The following FRMD6 variants were observed in gnomAD, a reference collection of about 807,000 sequenced individuals.
FRMD6 encodes FERM domain containing 6, also known as FERM domain-containing protein 6.
In FRMD6, 37 loss-of-function variants were observed where a neutral mutation model predicts 73.2. The ratio of observed to expected loss-of-function variants is 0.51; its 90% confidence interval spans 0.39 to 0.66. The LOEUF is 0.66. FRMD6 is among the 30% of genes least tolerant of loss of function. The probability of loss-of-function intolerance (pLI) is 0.00; values close to 1 mark genes in which losing one functional copy is unlikely to be tolerated. For missense variants in FRMD6, 714 were observed against 780.5 expected, an observed-to-expected ratio of 0.91 and a Z score of 1.02; for synonymous variants, 273 against 282.2, an observed-to-expected ratio of 0.97 and a Z score of 0.33.
chr14:51,527,571 A>G (rs1212080434), intron 1 of FRMD6, among the ~76,000 whole-genome samples: 1 of 152,182 alleles, frequency 6.6e-6, no homozygotes, highest in Non-Finnish European at 1.5e-5. Flanking sequence ...CAACATTCCC[A>G]ATGGGGTCTC....
rs935439075 is a variant in FRMD6 at position 51,586,054 on chromosome 14, G to C, written c.-147+15644G>C. Among the ~76,000 whole-genome samples the C allele has an allele frequency of 1.7e-4, 26 of 149,738 alleles. No individual in the cohort carries two copies. The Admixed American group carries it at 1.7e-3, about 10-fold the overall frequency. On this transcript the variant is annotated intron_variant, in intron 2 of 14. Transcript: ENST00000356218. ...AATACTGCAGTAAATATACAATGCA[G>C]GTGTCTTTTTGATATAATAATTTCT... is the stretch of plus-strand genomic sequence containing the variant.
chr14:51,599,704 GC>G (rs541284785), intron 2 of FRMD6: 95 of 152,092 alleles, frequency 6.2e-4, no homozygotes, highest in African/African-American at 2.2e-3. Context: ...ACTTCTCATT[GC>G]CTTTCTAAGG....
intron 1 of FRMD6, among the ~76,000 whole-genome samples, chr14:51,676,807 A>G (rs898264346): frequency 6.6e-6 from 1 of 152,134 alleles, no homozygotes; most frequent in Non-Finnish European, 1.5e-5. Context: ...TGAATATGTC[A>G]TCCTACCTCC....
intron 2 of FRMD6, among the ~76,000 whole-genome samples, chr14:51,585,608 T>C (rs920027639): frequency 6.6e-6 from 1 of 152,056 alleles, no homozygotes; most frequent in African/African-American, 2.4e-5. Flanking sequence ...TGAGTCTTGG[T>C]TTCCTCATCT....
the FRMD6 span, among the ~76,000 whole-genome samples, chr14:51,477,737 CT>C: frequency 8.9e-5 from 12 of 134,204 alleles, no homozygotes; most frequent in Middle Eastern, 3.6e-3. Flanking sequence ...TTTTCTTTTT[CT>C]TTTTTTTTTT....
At chr14:51,471,647 T>C in the FRMD6 span, among the ~76,000 whole-genome samples, 12 of 152,084 alleles carry the variant, frequency 7.9e-5, no homozygotes, top group African/African-American at 2.7e-4. Context: ...TACATTTAGA[T>C]AAGGTTCAGT....
the FRMD6 span, among the ~76,000 whole-genome samples, chr14:51,451,528 C>T: frequency 3.9e-5 from 6 of 152,274 alleles, no homozygotes; most frequent in African/African-American, 1.2e-4. Flanking sequence ...CATGTGCCAC[C>T]ATGCCTGGGT....
upstream of FRMD6, among the ~76,000 whole-genome samples, chr14:51,648,572 G>A (rs1892183207): frequency 6.6e-6 from 1 of 152,150 alleles, no homozygotes; most frequent in Non-Finnish European, 1.5e-5. Context: ...TTGTTCTCAG[G>A]CAAACTTCTG....
chr14:51,655,461 T>C (rs886336870), intron 1 of FRMD6, among the ~76,000 whole-genome samples: 5 of 152,104 alleles, frequency 3.3e-5, no homozygotes, highest in Admixed American at 2.0e-4. Flanking sequence ...ACAGGAAAAA[T>C]GTTATCGTTG....
chr14:51,556,217 G>GT (rs1887120449), intron 1 of FRMD6, among the ~76,000 whole-genome samples: 1 of 152,184 alleles, frequency 6.6e-6, no homozygotes, highest in South Asian at 2.1e-4. Context: ...CTTGATTACT[G>GT]CTTCCTTTCT....
At chr14:51,462,999 T>G in the FRMD6 span, among the ~76,000 whole-genome samples, 2 of 152,212 alleles carry the variant, frequency 1.3e-5, no homozygotes, top group African/African-American at 4.8e-5. Context: ...CCTTGCTAGA[T>G]TGTTATAAAA....
At chr14:51,621,159 T>A (rs186439280) in intron 2 of FRMD6, among the ~76,000 whole-genome samples, 33 of 152,222 alleles carry the variant, frequency 2.2e-4, no homozygotes, top group Non-Finnish European at 3.4e-4. Context: ...TTTTTTTTTT[T>A]AATGATACCT....
chr14:51,427,505 AAACTT>A, the FRMD6 span, among the ~76,000 whole-genome samples: 1 of 152,242 alleles, frequency 6.6e-6, no homozygotes, highest in African/African-American at 2.4e-5. Context: ...AGAAATGGGA[AAACTT>A]AACCCCTGAA....
chr14:51,666,884 C>T (rs1258910041), intron 1 of FRMD6, among the ~76,000 whole-genome samples: 2 of 152,124 alleles, frequency 1.3e-5, no homozygotes, highest in Non-Finnish European at 2.9e-5. Flanking sequence ...CCTGTATTCC[C>T]AACACCTCAG....
chr14:51,471,770 C>T, the FRMD6 span, among the ~76,000 whole-genome samples: 2 of 150,858 alleles, frequency 1.3e-5, no homozygotes, highest in African/African-American at 4.9e-5. Context: ...TCTAGGAAGC[C>T]CAGCATTCAA....
chr14:51,457,289 A>G, the FRMD6 span, among the ~76,000 whole-genome samples: 1 of 152,230 alleles, frequency 6.6e-6, no homozygotes, highest in Non-Finnish European at 1.5e-5. Flanking sequence ...AAAATTAAAA[A>G]GAGAATTGAA....
chr14:51,459,826 C>CAAAAAA, the FRMD6 span, among the ~76,000 whole-genome samples: 1 of 58,280 alleles, frequency 1.7e-5, no homozygotes, highest in East Asian at 5.8e-4. Flanking sequence ...GACTCCATTT[C>CAAAAAA]AAAAAAAAAA....
chr14:51,682,645 C>G (rs983444218), intron 1 of FRMD6, among the ~76,000 whole-genome samples: 6 of 152,186 alleles, frequency 3.9e-5, no homozygotes, highest in African/African-American at 1.4e-4. Context: ...CTTCTCTTTC[C>G]TCTGTGATGA....
intron 2 of FRMD6, among the ~76,000 whole-genome samples, chr14:51,590,410 C>A (rs765302356): frequency 5.9e-5 from 9 of 151,356 alleles, no homozygotes; most frequent in Non-Finnish European, 8.8e-5. Flanking sequence ...TTGTACCCAG[C>A]AATTTTTTTT....
Sources: allele counts gnomAD v4.1 joint callset (sites outside exome capture counted in the v4.1 genomes callset), GRCh38; gene constraint gnomAD v4.1.1; transcripts MANE v1.5; gene names NCBI Gene and HGNC (gene_info 2026-07-23, HGNC 2026-07-21).